SLC39A11: variants seen among roughly 807,000 people sequenced by gnomAD.
The protein encoded by SLC39A11 is solute carrier family 39 member 11.
A neutral mutation model predicts 36.1 loss-of-function variants in SLC39A11; 33 were observed. That is an observed-to-expected ratio of 0.91 (90% CI 0.69 to 1.22). The LOEUF is 1.22. Ranked by LOEUF, SLC39A11 falls within the 50% of genes most tolerant of loss-of-function variation. The probability of loss-of-function intolerance (pLI) is 0.00; values close to 1 mark genes in which losing one functional copy is unlikely to be tolerated. For missense variants in SLC39A11, 432 were observed against 430.3 expected, an observed-to-expected ratio of 1.00 and a Z score of -0.03; for synonymous variants, 166 against 170.3, an observed-to-expected ratio of 0.97 and a Z score of 0.20.
At chr17:72,879,949 C>T (rs899528196) in intron 5 of SLC39A11, among the ~76,000 whole-genome samples, 1 of 152,208 alleles carries the variant, frequency 6.6e-6, no homozygotes, top group Admixed American at 6.5e-5. Context: ...CAGTGACCCC[C>T]ACATTTTACC....
rs375357790 is a variant in SLC39A11, at chr17:72,795,058, C to T, written c.601+54576G>A. On this transcript the variant is annotated intron_variant, in intron 6 of 9. Transcript: ENST00000255559. ...GAAGTTATGATAACATTTTCAGGTACGCAGAGTATCAAATAATTTATCTCC... is the reference window on the plus strand; with the variant it reads ...GAAGTTATGATAACATTTTCAGGTATGCAGAGTATCAAATAATTTATCTCC... Among the ~76,000 whole-genome samples, 59 of 152,238 alleles carry T rather than the reference C, an allele frequency of 3.9e-4. 1 individual carries two copies. In the Middle Eastern group the frequency reaches 0.014, roughly 35 times the overall value.
At chr17:72,792,382 T>G (rs1026431595) in intron 6 of SLC39A11, among the ~76,000 whole-genome samples, 1 of 152,120 alleles carries the variant, frequency 6.6e-6, no homozygotes, top group Non-Finnish European at 1.5e-5. Context: ...CTGGGCTGGG[T>G]GCAGTTGGTC....
At chr17:72,837,890 G>A in intron 6 of SLC39A11, 2 of 1,165,186 alleles carry the variant, frequency 1.7e-6, no homozygotes, top group Non-Finnish European at 2.2e-6. Flanking sequence ...AGGGAGGGAG[G>A]AATGGGGAGT....
intron 3 of SLC39A11, among the ~76,000 whole-genome samples, chr17:73,051,262 G>A (rs985964686): frequency 6.6e-6 from 1 of 152,112 alleles, no homozygotes; most frequent in African/African-American, 2.4e-5. Flanking sequence ...AAGGACACCA[G>A]TCCTAATGTG....
At chr17:72,916,837 A>G (rs2083363933) in intron 5 of SLC39A11, among the ~76,000 whole-genome samples, 1 of 152,172 alleles carries the variant, frequency 6.6e-6, no homozygotes, top group South Asian at 2.1e-4. Flanking sequence ...TTGACCAAAC[A>G]TGCCCAGACA....
At chr17:72,953,659 C>A (rs372643886) in intron 4 of SLC39A11, among the ~76,000 whole-genome samples, 1 of 152,186 alleles carries the variant, frequency 6.6e-6, no homozygotes, top group South Asian at 2.1e-4. Context: ...TAAGGCCCCC[C>A]CTACAAAGCA....
chr17:72,705,352 T>C (rs534974720), intron 7 of SLC39A11, among the ~76,000 whole-genome samples: 29 of 152,352 alleles, frequency 1.9e-4, no homozygotes, highest in South Asian at 1.7e-3. Context: ...AGGAATGTGG[T>C]TGAATTTATA....
chr17:72,735,379 A>G (rs2713992), intron 7 of SLC39A11, among the ~76,000 whole-genome samples: 123,056 of 152,014 alleles, frequency 0.81, 50,620 homozygotes, highest in Non-Finnish European at 0.85. Flanking sequence ...CTTGGTAACC[A>G]GGGAAGGATG....
At chr17:72,900,080 G>GAAA in intron 5 of SLC39A11, among the ~76,000 whole-genome samples, 3 of 135,774 alleles carry the variant, frequency 2.2e-5, no homozygotes, top group African/African-American at 8.5e-5. Context: ...GAGAGAAAGA[G>GAAA]AGAAAGAGAA....
At chr17:72,751,665 C>T (rs2075161744) in intron 6 of SLC39A11, among the ~76,000 whole-genome samples, 1 of 152,136 alleles carries the variant, frequency 6.6e-6, no homozygotes, top group African/African-American at 2.4e-5. Context: ...GCAATCTTCG[C>T]CTCCTGGATT....
chr17:73,092,243 C>T (rs1158644821), intron 1 of SLC39A11: 1 of 152,286 alleles, frequency 6.6e-6, no homozygotes, highest in East Asian at 1.9e-4. Context: ...CTGGGAGCAG[C>T]TGGATTTGTA....
chr17:72,754,435 C>T (rs1412124871), intron 6 of SLC39A11, among the ~76,000 whole-genome samples: 3 of 151,826 alleles, frequency 2.0e-5, no homozygotes, highest in Admixed American at 6.6e-5. Context: ...TCCCCAAAAA[C>T]CTATGGAATT....
At chr17:73,006,628 C>G (rs2090192089) in intron 4 of SLC39A11, among the ~76,000 whole-genome samples, 1 of 150,150 alleles carries the variant, frequency 6.7e-6, no homozygotes, top group Admixed American at 6.7e-5. Context: ...GCCTTGGGTG[C>G]TTTACTTAGA....
intron 6 of SLC39A11, among the ~76,000 whole-genome samples, chr17:72,778,124 T>C (rs2567529): frequency 0.48 from 73,580 of 151,964 alleles, 20,443 homozygotes; most frequent in Non-Finnish European, 0.64. Context: ...ACACTGGTCT[T>C]GAACTCCTGA....
intron 6 of SLC39A11, among the ~76,000 whole-genome samples, chr17:72,749,135 T>C (rs1275825883): frequency 6.6e-6 from 1 of 152,192 alleles, no homozygotes; most frequent in African/African-American, 2.4e-5. Flanking sequence ...AGAGCTGCCA[T>C]CTTGGAAGAC....
intron 5 of SLC39A11, among the ~76,000 whole-genome samples, chr17:72,861,742 A>T (rs986194942): frequency 0.12 from 156 of 1,346 alleles, 1 homozygote; most frequent in African/African-American, 0.38. Flanking sequence ...ATTGGAGATT[A>T]TATATATATA....
chr17:73,056,249 AC>A (rs2059666170), intron 3 of SLC39A11, among the ~76,000 whole-genome samples: 1 of 151,208 alleles, frequency 6.6e-6, no homozygotes, highest in South Asian at 2.1e-4. Context: ...GCTCAATGTA[AC>A]CTCCACCTCC....
chr17:72,906,720 A>G (rs946752735), intron 5 of SLC39A11, among the ~76,000 whole-genome samples: 1 of 152,232 alleles, frequency 6.6e-6, no homozygotes, highest in Non-Finnish European at 1.5e-5. Context: ...CCTTAAACAA[A>G]TCCGATTAAA....
chr17:72,694,582 A>T (rs943679584), intron 7 of SLC39A11, among the ~76,000 whole-genome samples: 1 of 152,216 alleles, frequency 6.6e-6, no homozygotes, highest in Non-Finnish European at 1.5e-5. Flanking sequence ...TGGTTTGGAA[A>T]TTCCTTTTGG....
Sources: allele counts gnomAD v4.1 joint callset (sites outside exome capture counted in the v4.1 genomes callset), GRCh38; gene constraint gnomAD v4.1.1; transcripts MANE v1.5; gene names NCBI Gene and HGNC (gene_info 2026-07-23, HGNC 2026-07-21).